Variants in ELAPOR2 observed in about 807,000 individuals in gnomAD.
ELAPOR2 encodes endosome/lysosome-associated apoptosis and autophagy regulator family member 2.
A neutral mutation model predicts 120.7 loss-of-function variants in ELAPOR2; 89 were observed. That is an observed-to-expected ratio of 0.74 (90% confidence interval 0.62 to 0.88). The LOEUF (loss-of-function observed/expected upper bound fraction) is 0.88, where lower values mean the gene tolerates loss of function less well. ELAPOR2 is among the 40% of genes least tolerant of loss of function. ELAPOR2 has a pLI of 0.00. For missense variants in ELAPOR2, 1,134 were observed against 1,251.6 expected (o/e 0.91, Z 1.42); for synonymous variants, 444 against 444.9 (o/e 1.00, Z 0.03).
At chr7:86,999,978 G>A (rs1793258101) in intron 1 of ELAPOR2, among the ~76,000 whole-genome samples, 1 of 152,012 alleles carries the variant, frequency 6.6e-6, no homozygotes, top group Admixed American at 6.6e-5. Context: ...GCCATATGGA[G>A]CCCCCTGAAT....
At position 86,912,215 on chromosome 7, in the gene ELAPOR2, A is replaced by G. The variant is rs1789348941; in HGVS notation, c.2026T>C (p.Phe676Leu). 5 of 1,607,076 alleles carry G rather than the reference A, an allele frequency of 3.1e-6. No homozygotes were observed. The highest frequency in any genetic ancestry group is 4.3e-6 in the Non-Finnish European group (5 of 1,174,254). Residue 676 changes from phenylalanine to leucine, a missense_variant, in exon 15 of 22, where the codon TTC becomes CTC. Phe to Leu is a conservative substitution (Grantham distance 22, BLOSUM62 0). Around this residue, in one of 3 missense-constraint regions of ELAPOR2, gnomAD observed 831 missense variants for 867.6 expected, o/e 0.96. Transcript: ENST00000450689. ...CTCTGATTTTCTTTTTCATGGTAGA[A>G]AAAGCAGTCACTATAGCAAACCGAA... is the stretch of plus-strand genomic sequence containing the variant. ...DHSVCYSDCF[F>L]YHEKENQSLH... is the part of the protein sequence containing the mutation.
chr7:86,884,746 T>C (rs1799606306), intron 21 of ELAPOR2, among the ~76,000 whole-genome samples: 1 of 152,068 alleles, frequency 6.6e-6, no homozygotes, highest in South Asian at 2.1e-4. Flanking sequence ...ACCTGAGAGA[T>C]TACGAAAATT....
chr7:86,962,777 T>C (rs918248503), intron 2 of ELAPOR2, among the ~76,000 whole-genome samples: 9 of 152,216 alleles, frequency 5.9e-5, no homozygotes, highest in African/African-American at 1.9e-4. Context: ...GTTTGGCACA[T>C]AATCAGTACT....
At position 86,938,908 on chromosome 7, in the gene ELAPOR2, G is replaced by A. The variant is rs755479963; in HGVS notation, c.900C>T (p.Asn300=). 6.2e-7 allele frequency: 1 copy of A among 1,613,340 alleles called. No individual in the cohort carries two copies. The highest frequency in any genetic ancestry group is 1.3e-5 in the African/African-American group (1 of 74,972). ...CCTGGCAGTTGAATGAACCTGGTTT[G>A]TTGCTGAATGTGCCTGGCTTGCAAG... is the stretch of plus-strand genomic sequence containing the variant. ...CFPCKPGTFS[N]KPGSFNCQVC... Residue 300 remains asparagine, a synonymous_variant, in exon 7 of 22, where the codon AAC becomes AAT. Coordinates refer to ENST00000450689, the MANE Select transcript of ELAPOR2 (RefSeq NM_001142749.3).
intron 3 of ELAPOR2, among the ~76,000 whole-genome samples, chr7:86,946,159 T>TCTCACACACACACACA (rs148805286): frequency 1.2e-4 from 18 of 146,394 alleles, no homozygotes; most frequent in African/African-American, 1.8e-4. Flanking sequence ...ATACCATTTC[T>TCTCACACACACACACA]CACACACACA....
At chr7:87,036,087 G>A (rs766069197) in intron 1 of ELAPOR2, among the ~76,000 whole-genome samples, 17 of 152,176 alleles carry the variant, frequency 1.1e-4, no homozygotes, top group Non-Finnish European at 2.1e-4. Context: ...AATAATCTTA[G>A]TATACATTTG....
At chr7:87,026,439 C>T (rs73198578) in intron 1 of ELAPOR2, among the ~76,000 whole-genome samples, 187 of 149,762 alleles carry the variant, frequency 1.2e-3, no homozygotes, top group Non-Finnish European at 2.3e-3. Flanking sequence ...TTAAAGTATA[C>T]AAAGTTAGGA....
At chr7:86,961,607 T>A (rs1287804295) in intron 2 of ELAPOR2, among the ~76,000 whole-genome samples, 1 of 152,218 alleles carries the variant, frequency 6.6e-6, no homozygotes, top group Non-Finnish European at 1.5e-5. Flanking sequence ...TCTCTGATGA[T>A]CTAAGAACAT....
At chr7:86,975,795 A>G (rs1365596799) in intron 1 of ELAPOR2, among the ~76,000 whole-genome samples, 2 of 152,260 alleles carry the variant, frequency 1.3e-5, no homozygotes, top group Non-Finnish European at 2.9e-5. Flanking sequence ...AACAGCAGGT[A>G]GTCTGAATAA....
At chr7:86,996,749 C>A (rs1793137797) in intron 1 of ELAPOR2, among the ~76,000 whole-genome samples, 1 of 152,140 alleles carries the variant, frequency 6.6e-6, no homozygotes, top group Non-Finnish European at 1.5e-5. Flanking sequence ...ATGGCCTAGG[C>A]TAGTGGATTC....
intron 1 of ELAPOR2, chr7:86,966,068 T>C (rs75133398): frequency 0.013 from 6,212 of 487,818 alleles, 346 homozygotes; most frequent in African/African-American, 0.12. Flanking sequence ...TTCCCGTTTA[T>C]TTAACAGTTC....
chr7:86,919,999 A>G (rs530068605), intron 10 of ELAPOR2, among the ~76,000 whole-genome samples: 1 of 152,276 alleles, frequency 6.6e-6, no homozygotes, highest in African/African-American at 2.4e-5. Flanking sequence ...CCTCTCCAAC[A>G]TAACATCAAG....
chr7:87,028,503 TC>T (rs1372289739), intron 1 of ELAPOR2, among the ~76,000 whole-genome samples: 1 of 152,124 alleles, frequency 6.6e-6, no homozygotes, highest in Non-Finnish European at 1.5e-5. Context: ...GAAAAGCCTA[TC>T]ATTTCTTCCA....
At position 86,913,012 on chromosome 7, in the gene ELAPOR2, A is replaced by C; in HGVS notation, c.1924T>G (p.Tyr642Asp). Residue 642 changes from tyrosine to aspartate, a missense_variant, in exon 14 of 22, where the codon TAC becomes GAC. Tyr to Asp is a radical substitution (Grantham distance 160). This residue lies in a region of ELAPOR2 where 831 missense variants were observed against 867.6 expected (regional missense o/e 0.96). Coordinates refer to ENST00000450689, the MANE Select transcript of ELAPOR2 (RefSeq NM_001142749.3). ...CCATAGACCTGATGTATGGACAGGT[A>C]GGTGTCAGGTGGACATTCCTTGCAC... ...NQCKECPPDT[Y>D]LSIHQVYGKE... 6.2e-7 allele frequency: 1 copy of C among 1,614,088 alleles called. No individual in the cohort carries two copies.
At chr7:87,046,493 ATC>A (rs1253979318) in intron 1 of ELAPOR2, among the ~76,000 whole-genome samples, 3 of 152,240 alleles carry the variant, frequency 2.0e-5, no homozygotes, top group Admixed American at 2.0e-4. Flanking sequence ...AGCCAAAGAT[ATC>A]TGATACAGTT....
At chr7:86,966,011 T>G (rs1189165886) in intron 1 of ELAPOR2, 5 of 968,192 alleles carry the variant, frequency 5.2e-6, no homozygotes, top group Non-Finnish European at 6.1e-6. Context: ...TTTTAACATT[T>G]TTTGCAATCT....
chr7:86,972,695 T>C (rs1792145285), intron 1 of ELAPOR2, among the ~76,000 whole-genome samples: 1 of 150,326 alleles, frequency 6.7e-6, no homozygotes. Flanking sequence ...GAAACCCAAG[T>C]CAAGCTACCT....
intron 1 of ELAPOR2, among the ~76,000 whole-genome samples, chr7:87,033,054 T>C (rs1448460838): frequency 1.1e-4 from 16 of 152,108 alleles, no homozygotes; most frequent in Admixed American, 1.0e-3. Flanking sequence ...CCTAATAAGA[T>C]TCGATCAATA....
intron 21 of ELAPOR2, among the ~76,000 whole-genome samples, chr7:86,889,577 G>A (rs915413958): frequency 3.9e-5 from 6 of 151,914 alleles, no homozygotes; most frequent in Non-Finnish European, 8.8e-5. Context: ...TTCCGGGGGG[G>A]ACAAGGCAGT....
Sources: allele counts gnomAD v4.1 joint callset (sites outside exome capture counted in the v4.1 genomes callset), GRCh38; gene constraint gnomAD v4.1.1; regional missense constraint gnomAD v4.1.1; transcripts MANE v1.5; gene names NCBI Gene and HGNC (gene_info 2026-07-23, HGNC 2026-07-21).